KCNIP1: variants seen among roughly 807,000 people sequenced by gnomAD.
KCNIP1 encodes the protein A-type potassium channel modulatory protein KCNIP1.
KCNIP1 carries 18 observed loss-of-function variants against 33.0 expected under a neutral mutation model. The observed-to-expected ratio is 0.55, with a 90% CI of 0.38 to 0.81. The LOEUF (loss-of-function observed/expected upper bound fraction) is 0.81. KCNIP1 is among the 30% of genes least tolerant of loss of function. The pLI, the probability that KCNIP1 is intolerant of heterozygous loss-of-function variation, is 0.00. For missense variants in KCNIP1, 238 were observed against 271.6 expected, an observed-to-expected ratio of 0.88 and a Z score of 0.87; for synonymous variants, 93 against 98.3, an observed-to-expected ratio of 0.95 and a Z score of 0.32.
chr5:170,396,643 C>T, intron 1 of KCNIP1, among the ~76,000 whole-genome samples: 1 of 152,166 alleles, frequency 6.6e-6, no homozygotes, highest in Non-Finnish European at 1.5e-5. Context: ...TCAAAGATTT[C>T]CTGAATAGCA....
At chr5:170,542,813 A>G (rs536797776) in intron 1 of KCNIP1, among the ~76,000 whole-genome samples, 3 of 152,368 alleles carry the variant, frequency 2.0e-5, no homozygotes, top group African/African-American at 7.2e-5. Flanking sequence ...CACTCGCTCA[A>G]AATATCTTAC....
At chr5:170,692,241 C>T (rs962804) in intron 1 of KCNIP1, among the ~76,000 whole-genome samples, 107,255 of 151,986 alleles carry the variant, frequency 0.71, 39,123 homozygotes, top group East Asian at 0.94. Flanking sequence ...GGTACCACCA[C>T]GGCCAAATGC....
At chr5:170,410,170 AG>A (rs1280968717) in intron 1 of KCNIP1, among the ~76,000 whole-genome samples, 2 of 152,218 alleles carry the variant, frequency 1.3e-5, no homozygotes, top group African/African-American at 4.8e-5. Flanking sequence ...TCCCCCACTC[AG>A]GGGATCACAG....
intron 1 of KCNIP1, chr5:170,639,400 A>G (rs940740037): frequency 3.1e-4 from 47 of 152,254 alleles, no homozygotes; most frequent in African/African-American, 1.1e-3. Context: ...TAAACCCTCA[A>G]TCTGTTGGGT....
At chr5:170,655,809 G>C (rs10065965) in intron 1 of KCNIP1, among the ~76,000 whole-genome samples, 14,938 of 152,154 alleles carry the variant, frequency 0.098, 817 homozygotes, top group African/African-American at 0.11. Context: ...TTCCCGCTGT[G>C]GGGGGAAATC....
chr5:170,569,574 C>T (rs1757324064), intron 1 of KCNIP1, among the ~76,000 whole-genome samples: 1 of 152,060 alleles, frequency 6.6e-6, no homozygotes, highest in Non-Finnish European at 1.5e-5. Flanking sequence ...AGTGAGGTAC[C>T]AGGTGGAAAA....
intron 1 of KCNIP1, among the ~76,000 whole-genome samples, chr5:170,517,632 A>T (rs899243944): frequency 1.3e-5 from 2 of 150,850 alleles, no homozygotes; most frequent in Non-Finnish European, 3.0e-5. Flanking sequence ...AATGATGGTG[A>T]TATGGTAGTA....
chr5:170,418,633 C>T (rs1181383504), intron 1 of KCNIP1, among the ~76,000 whole-genome samples: 1 of 152,186 alleles, frequency 6.6e-6, no homozygotes, highest in Non-Finnish European at 1.5e-5. Context: ...AACTCTGCAA[C>T]ATTCCATTCA....
At chr5:170,550,420 A>G (rs1279566813) in intron 1 of KCNIP1, among the ~76,000 whole-genome samples, 1 of 152,330 alleles carries the variant, frequency 6.6e-6, no homozygotes, top group East Asian at 1.9e-4. Context: ...GTTAACAGGA[A>G]TGACGATGAT....
chr5:170,656,992 C>CTTTTTTTTTTTTTTT (rs11397076), intron 1 of KCNIP1, among the ~76,000 whole-genome samples: 1 of 116,440 alleles, frequency 8.6e-6, no homozygotes, highest in African/African-American at 3.6e-5. Context: ...TTTTTTCTTT[C>CTTTTTTTTTTTTTTT]TTTCTTTTTT....
At chr5:170,369,736 C>A (rs1316766727) in intron 1 of KCNIP1, among the ~76,000 whole-genome samples, 2 of 152,228 alleles carry the variant, frequency 1.3e-5, no homozygotes, top group Non-Finnish European at 2.9e-5. Flanking sequence ...AAGGCATCAC[C>A]TTGATAAATT....
intron 1 of KCNIP1, among the ~76,000 whole-genome samples, chr5:170,372,025 A>C (rs1763859003): frequency 6.6e-6 from 1 of 152,062 alleles, no homozygotes; most frequent in Non-Finnish European, 1.5e-5. Flanking sequence ...CAGGTTAAGA[A>C]CTCAGTCCCA....
chr5:170,723,788 C>T (rs1273201461), intron 5 of KCNIP1, among the ~76,000 whole-genome samples: 6 of 152,106 alleles, frequency 3.9e-5, no homozygotes, highest in African/African-American at 1.4e-4. Flanking sequence ...GGAAGGTTAG[C>T]AAAGGCCTCT....
rs1216350225 is a variant in KCNIP1 at position 170,489,250 on chromosome 5, G to A, written c.88+135286G>A. Among the ~76,000 whole-genome samples the A allele has an allele frequency of 6.6e-6, 1 of 152,228 alleles. No homozygotes were observed. The highest frequency in any genetic ancestry group is 2.4e-5 in the African/African-American group (1 of 41,460). On this transcript the variant is annotated intron_variant, in intron 1 of 7. Coordinates refer to the KCNIP1 transcript ENST00000377360. This position sits in a 1 kb window ranked among gnomAD's most constrained non-coding sequence, Gnocchi z 4.3. ...CACTTACCCCAAAAGATGGAGGACT[G>A]CTGGCAGAAACAGACAGAAATTTCC...
At chr5:170,592,739 C>T (rs1220532584) in intron 1 of KCNIP1, among the ~76,000 whole-genome samples, 2 of 152,184 alleles carry the variant, frequency 1.3e-5, no homozygotes, top group Non-Finnish European at 2.9e-5. Flanking sequence ...GCTTCCTCTT[C>T]TGCAAAATGG....
At chr5:170,590,355 A>G (rs1758201119) in intron 1 of KCNIP1, among the ~76,000 whole-genome samples, 1 of 152,136 alleles carries the variant, frequency 6.6e-6, no homozygotes. Context: ...TGGGGGCCCC[A>G]TGCTGCTGAT....
intron 1 of KCNIP1, among the ~76,000 whole-genome samples, chr5:170,537,609 G>A (rs10050734): frequency 0.23 from 34,491 of 152,164 alleles, 5,254 homozygotes; most frequent in African/African-American, 0.44. Context: ...CCTGCCTTCC[G>A]ACTTCAGCTG....
chr5:170,485,937 C>T (rs921735911), intron 1 of KCNIP1: 1 of 152,302 alleles, frequency 6.6e-6, no homozygotes, highest in African/African-American at 2.4e-5. Context: ...GACGTCACCC[C>T]ACGCGTTTTC....
At chr5:170,619,973 T>G (rs1317292590) in intron 1 of KCNIP1, among the ~76,000 whole-genome samples, 1 of 152,106 alleles carries the variant, frequency 6.6e-6, no homozygotes, top group African/African-American at 2.4e-5. Context: ...CAGAAACCCT[T>G]CAGAAGATGC....
Sources: allele counts gnomAD v4.1 joint callset (sites outside exome capture counted in the v4.1 genomes callset), GRCh38; gene constraint gnomAD v4.1.1; non-coding constraint Gnocchi (gnomAD v3.1); transcripts MANE v1.5; gene names NCBI Gene and HGNC (gene_info 2026-07-23, HGNC 2026-07-21).